PRKN: variants seen among roughly 807,000 people sequenced by gnomAD.
The protein encoded by PRKN is E3 ubiquitin-protein ligase parkin.
In PRKN, 56 loss-of-function variants were observed where a neutral mutation model predicts 59.5. The ratio of observed to expected loss-of-function variants is 0.94; its 90% CI spans 0.76 to 1.18. The LOEUF (loss-of-function observed/expected upper bound fraction) is 1.18. PRKN is among the 50% of genes most tolerant of loss of function. The probability of loss-of-function intolerance (pLI) is 0.00; values close to 1 mark genes in which losing one functional copy is unlikely to be tolerated. For synonymous variants in PRKN, 250 were observed against 222.1 expected, an observed-to-expected ratio of 1.13 and a Z score of -1.12; for missense variants, 657 against 596.4, an observed-to-expected ratio of 1.10 and a Z score of -1.06.
At chr6:162,390,542 A>G (rs1382592209) in intron 2 of PRKN, among the ~76,000 whole-genome samples, 8 of 151,610 alleles carry the variant, frequency 5.3e-5, no homozygotes, top group Admixed American at 5.3e-4. Flanking sequence ...CCCGGGTTCA[A>G]GTGATTCTCC....
chr6:161,867,623 A>G lies in PRKN; in HGVS notation c.735-81715T>C, dbSNP rs2128225953. On this transcript the variant is annotated intron_variant, in intron 6 of 11. Transcript: ENST00000366898. ...GTTTAGATTAATTACATAAGCAGATAAATACTTGCCATAGTAAAGAGCTAT... is the reference window on the plus strand; with the variant it reads ...GTTTAGATTAATTACATAAGCAGATGAATACTTGCCATAGTAAAGAGCTAT... Among the ~76,000 whole-genome samples, 3 of 152,308 alleles carry G rather than the reference A, an allele frequency of 2.0e-5. No individual in the cohort carries two copies. In the East Asian group the frequency reaches 5.8e-4, roughly 29 times the overall value.
chr6:161,849,431 A>AT (rs1317944455), intron 6 of PRKN, among the ~76,000 whole-genome samples: 13 of 151,950 alleles, frequency 8.6e-5, no homozygotes, highest in African/African-American at 2.7e-4. Context: ...TATTTATTCC[A>AT]TTTTTTGTAC....
At chr6:162,004,848 T>G (rs2128264399) in intron 5 of PRKN, among the ~76,000 whole-genome samples, 1 of 152,300 alleles carries the variant, frequency 6.6e-6, no homozygotes, top group South Asian at 2.1e-4. Context: ...GAAAGAAAAT[T>G]TCAAGGAAAT....
At position 161,419,626 on chromosome 6, in the gene PRKN, G is replaced by A. The variant is rs571736145; in HGVS notation, c.1084-32749C>T. On this transcript the variant is annotated intron_variant, in intron 9 of 11. Coordinates refer to ENST00000366898, the MANE Select transcript of PRKN (RefSeq NM_004562.3). This position sits in a 1 kb window ranked among gnomAD's most constrained non-coding sequence, Gnocchi z 4.1. ...TGGTCTCAAACTCCTGACCTCAAGT[G>A]ATCTGCCCACCTCTGCCTCCCAAAG... 4.7e-4 allele frequency among the ~76,000 whole-genome samples: 72 copies of A among 151,868 alleles called. No homozygotes were observed. The highest frequency in any genetic ancestry group is 3.4e-3 in the Middle Eastern group (1 of 294).
chr6:162,565,263 T>TA lies in PRKN; in HGVS notation c.8-121791dup, dbSNP rs1356672020. Among the ~76,000 whole-genome samples, 6 of 151,904 alleles carry TA rather than the reference T, an allele frequency of 3.9e-5. No homozygotes were observed. The East Asian group carries it at 1.2e-3, about 29-fold the overall frequency. ...ACACAAAAAAGAAAAAGCAAGAAAC[T>TA]AAAACGTATCACCAGAGAAAATCAC... On this transcript the variant is annotated intron_variant, in intron 1 of 11. Transcript: ENST00000366898.
chr6:162,338,036 T>C lies in PRKN; in HGVS notation c.172-75271A>G, dbSNP rs561117038. 1.1e-4 allele frequency among the ~76,000 whole-genome samples: 16 copies of C among 152,258 alleles called. 1 individual carries two copies. The South Asian group carries it at 2.3e-3, about 22-fold the overall frequency. ...TCTAAAAATTAACTTTCCGATAAGT[T>C]TGGAACATGCATAGAATGTAGAGAT... On this transcript the variant is annotated intron_variant, in intron 2 of 11. Transcript: ENST00000366898.
chr6:161,690,724 G>A (rs1785749195), intron 7 of PRKN, among the ~76,000 whole-genome samples: 1 of 152,094 alleles, frequency 6.6e-6, no homozygotes, highest in South Asian at 2.1e-4. Context: ...CTTGAGCTGG[G>A]ACATCAATCC....
At chr6:161,476,187 AG>A (rs1732996040) in intron 9 of PRKN, among the ~76,000 whole-genome samples, 1 of 138,104 alleles carries the variant, frequency 7.2e-6, no homozygotes, top group African/African-American at 3.0e-5. Context: ...ACTCTGTCTC[AG>A]GAAAAAAAAA....
intron 1 of PRKN, among the ~76,000 whole-genome samples, chr6:162,675,028 TTTTATTTATTTA>T (rs139787389): frequency 1.1e-4 from 16 of 148,506 alleles, no homozygotes; most frequent in South Asian, 2.2e-4. Context: ...GAAGACTTTA[TTTTATTTATTTA>T]TTTATTTATT....
chr6:162,486,660 A>C (rs1045632295), intron 1 of PRKN, among the ~76,000 whole-genome samples: 9 of 152,216 alleles, frequency 5.9e-5, no homozygotes, highest in Non-Finnish European at 1.3e-4. Context: ...ACATTCTACC[A>C]ACAAGAAAGA....
intron 6 of PRKN, among the ~76,000 whole-genome samples, chr6:161,812,431 A>G (rs1791603171): frequency 6.6e-6 from 1 of 152,172 alleles, no homozygotes. Flanking sequence ...ATAAAGATGA[A>G]AAGGCAACCT....
intron 4 of PRKN, among the ~76,000 whole-genome samples, chr6:162,091,468 G>C (rs1002797447): frequency 2.0e-5 from 3 of 152,148 alleles, no homozygotes; most frequent in Admixed American, 6.6e-5. Flanking sequence ...TTAAAATGTA[G>C]AAAGTGTGGA....
At chr6:161,897,820 T>TTA (rs1777696656) in intron 6 of PRKN, among the ~76,000 whole-genome samples, 1 of 94,772 alleles carries the variant, frequency 1.1e-5, no homozygotes, top group Admixed American at 1.1e-4. Context: ...ATACAAAAAG[T>TTA]TCCGGGCGTA....
chr6:161,725,876 T>C (rs1051176392), intron 7 of PRKN, among the ~76,000 whole-genome samples: 6 of 152,340 alleles, frequency 3.9e-5, no homozygotes, highest in Non-Finnish European at 7.3e-5. Flanking sequence ...TCCTCGGTCA[T>C]TGCTCTTGAG....
chr6:162,557,375 C>T (rs1189448360), intron 1 of PRKN, among the ~76,000 whole-genome samples: 1 of 152,244 alleles, frequency 6.6e-6, no homozygotes, highest in African/African-American at 2.4e-5. Context: ...ACCATTCCCC[C>T]CAGGGCACTT....
At position 161,930,499 on chromosome 6, in the gene PRKN, T is replaced by C. The variant is rs76971927; in HGVS notation, c.734+42803A>G. 3.7e-4 allele frequency among the ~76,000 whole-genome samples: 56 copies of C among 152,312 alleles called. No individual in the cohort carries two copies. The East Asian group carries it at 8.7e-3, about 24-fold the overall frequency. On this transcript the variant is annotated intron_variant, in intron 6 of 11. Transcript: ENST00000366898. ...AAATGCAACAGTTCTCAGTAGAATA[T>C]AGCATTTCACTCTTCACCTACATGG...
intron 2 of PRKN, among the ~76,000 whole-genome samples, chr6:162,321,988 T>C (rs554153235): frequency 1.1e-4 from 16 of 152,084 alleles, no homozygotes; most frequent in Admixed American, 3.3e-4. Flanking sequence ...ATACTGGAGC[T>C]GATAGCCAGT....
chr6:162,244,195 C>T (rs1779108295), intron 3 of PRKN, among the ~76,000 whole-genome samples: 1 of 152,060 alleles, frequency 6.6e-6, no homozygotes, highest in African/African-American at 2.4e-5. Context: ...ATCAGTGTAC[C>T]TTAAATTCAA....
At chr6:161,860,313 C>A (rs1489456903) in intron 6 of PRKN, among the ~76,000 whole-genome samples, 1 of 152,170 alleles carries the variant, frequency 6.6e-6, no homozygotes, top group African/African-American at 2.4e-5. Context: ...ATTCAACAGA[C>A]CCTTTCTTTG....
Sources: gnomAD v4.1 joint callset for allele counts (sites outside exome capture counted in the v4.1 genomes callset) on GRCh38, gnomAD v4.1.1 for gene constraint, Gnocchi (gnomAD v3.1) non-coding constraint, MANE v1.5 for transcripts, NCBI Gene and HGNC (gene_info 2026-07-23, HGNC 2026-07-21) for gene names.